The following TUT4 variants were observed in gnomAD, a reference collection of about 807,000 sequenced individuals.
TUT4 encodes the protein terminal uridylyl transferase 4.
In TUT4, 36 loss-of-function variants were observed where a neutral mutation model predicts 192.2. The ratio of observed to expected loss-of-function variants is 0.19; its 90% CI spans 0.14 to 0.25. The LOEUF is 0.25. Ranked by LOEUF, TUT4 falls within the 10% of genes least tolerant of loss-of-function variation. The probability of loss-of-function intolerance (pLI) is 1.00; values close to 1 mark genes in which losing one functional copy is unlikely to be tolerated. For missense variants in TUT4, 1,493 were observed against 1,957.2 expected (o/e 0.76, Z 4.47); for synonymous variants, 618 against 666.0 (o/e 0.93, Z 1.11).
chr1:52,429,396 A>G (rs1045118156), intron 28 of TUT4, among the ~76,000 whole-genome samples: 4 of 151,686 alleles, frequency 2.6e-5, no homozygotes, highest in Non-Finnish European at 5.9e-5. Context: ...AAAGTTGGGC[A>G]TAAGTCAGGC....
chr1:52,504,564 A>G (rs1336001699), intron 4 of TUT4, among the ~76,000 whole-genome samples: 1 of 152,172 alleles, frequency 6.6e-6, no homozygotes, highest in Non-Finnish European at 1.5e-5. Flanking sequence ...CAGGAGGTGG[A>G]GGTTGTAGTG....
At chr1:52,464,024 A>G (rs1663362568) in intron 16 of TUT4, among the ~76,000 whole-genome samples, 1 of 152,184 alleles carries the variant, frequency 6.6e-6, no homozygotes, top group African/African-American at 2.4e-5. Flanking sequence ...TGGGTTACGA[A>G]TCCCGGCTCC....
At position 52,506,954 on chromosome 1, in the gene TUT4, T is replaced by C. The variant is rs574652033; in HGVS notation, c.999+2642A>G. Among the ~76,000 whole-genome samples, 4 of 152,356 alleles carry C rather than the reference T, an allele frequency of 2.6e-5. No individual in the cohort carries two copies. In the East Asian group the frequency reaches 5.8e-4, roughly 22 times the overall value. ...TGACATTAAATACTTGGAAACCATT[T>C]ATCATTTTGAATGTTGCCTTTAAAA... On this transcript the variant is annotated intron_variant, in intron 4 of 29. Transcript: ENST00000257177.
At chr1:52,441,738 A>AT (rs1239142222) in intron 24 of TUT4, among the ~76,000 whole-genome samples, 1 of 152,178 alleles carries the variant, frequency 6.6e-6, no homozygotes, top group African/African-American at 2.4e-5. Context: ...CTATATACTT[A>AT]AAATTGTCTA....
rs532227104 is a variant in TUT4 at position 52,526,407 on chromosome 1, T to C, written c.-93-34A>G. On this transcript the variant is annotated intron_variant, in intron 1 of 29. Transcript: ENST00000257177. ...TTAAAAAAAAGAGAAAAATCTGTTA[T>C]TTAAAATGCAAAAACAATTTTTTAT... is the stretch of plus-strand genomic sequence containing the variant. 8.5e-6 allele frequency: 8 copies of C among 936,778 alleles called. No homozygotes were observed. In the African/African-American group the frequency reaches 1.0e-4, roughly 12 times the overall value. The allele number at this position is 936,778 out of a possible 1,614,324, so 58.0% of individuals were successfully genotyped here.
chr1:52,445,085 C>CATTATATATA (rs1236180386), intron 24 of TUT4, among the ~76,000 whole-genome samples: 2 of 150,564 alleles, frequency 1.3e-5, no homozygotes, highest in African/African-American at 4.9e-5. Context: ...TATATATATC[C>CATTATATATA]TATTAGCTCT....
chr1:52,518,674 C>T (rs1424185719), intron 2 of TUT4, among the ~76,000 whole-genome samples: 1 of 152,106 alleles, frequency 6.6e-6, no homozygotes, highest in African/African-American at 2.4e-5. Flanking sequence ...CATGGATAAA[C>T]CTTAAAAACA....
chr1:52,525,935 C>G lies in TUT4; in HGVS notation c.346G>C (p.Ala116Pro). 2 of 1,614,056 alleles carry G rather than the reference C, an allele frequency of 1.2e-6. No individual in the cohort carries two copies. ...AAACTGGTTGCCTTTTCTGATTTTGCCTGTGAAATGGTTGCCTTTTCGGCT... is the reference window on the plus strand; with the variant it reads ...AAACTGGTTGCCTTTTCTGATTTTGGCTGTGAAATGGTTGCCTTTTCGGCT... ...VKAEKATISQAKSEKATSLQA... is the reference protein window; with the variant it reads ...VKAEKATISQPKSEKATSLQA... Residue 116 changes from alanine (A) to proline (P), a missense_variant, in exon 2 of 30, where the codon GCA (alanine) becomes CCA (proline). Coordinates refer to ENST00000257177, the MANE Select transcript of TUT4 (RefSeq NM_001009881.3).
At chr1:52,474,808 G>C in intron 13 of TUT4, 24 bp downstream of exon 13, 1 of 1,536,696 alleles carries the variant, frequency 6.5e-7, no homozygotes, top group Non-Finnish European at 8.7e-7. Context: ...AAATCTTACA[G>C]ATCATTTACA....
At position 52,459,808 on chromosome 1, in the gene TUT4, G is replaced by C. The variant is rs1370960327; in HGVS notation, c.3321+1326C>G. The stretch of plus-strand genomic sequence containing the variant: ...AGGCAGGGAAAACTGCTTGAATCTA[G>C]GAGGTGGAGGTTGCAGTGAGCCGAG... On this transcript the variant is annotated intron_variant, in intron 19 of 29. Transcript: ENST00000257177. 2.3e-4 allele frequency among the ~76,000 whole-genome samples: 31 copies of C among 134,144 alleles called. 1 individual carries two copies. The highest frequency in any genetic ancestry group is 1.5e-5 in the Non-Finnish European group (1 of 67,862). 88.0% of individuals were successfully genotyped at this position (134,144 alleles called of 152,430 possible).
intron 28 of TUT4, among the ~76,000 whole-genome samples, chr1:52,429,082 G>GTTT (rs1195739562): frequency 2.4e-4 from 32 of 131,410 alleles, no homozygotes; most frequent in African/African-American, 3.2e-4. Context: ...TCCATAATAG[G>GTTT]TTTTTTTTTT....
chr1:52,445,079 T>A (rs1657148833), intron 24 of TUT4, among the ~76,000 whole-genome samples: 1 of 151,648 alleles, frequency 6.6e-6, no homozygotes, highest in Admixed American at 6.6e-5. Flanking sequence ...TAGGATTATA[T>A]ATATCCTATT....
intron 24 of TUT4, among the ~76,000 whole-genome samples, chr1:52,444,126 C>T (rs1279136583): frequency 2.0e-5 from 3 of 152,034 alleles, no homozygotes; most frequent in Middle Eastern, 3.4e-3. Flanking sequence ...GTCCCTGCTA[C>T]TCTCGGCTGA....
intron 13 of TUT4, among the ~76,000 whole-genome samples, chr1:52,473,849 C>A (rs985118559): frequency 6.6e-6 from 1 of 151,894 alleles, no homozygotes; most frequent in Admixed American, 6.5e-5. Context: ...AAGCAGTTAT[C>A]GCTTACTTCC....
rs1045514045 is a variant in TUT4, at chr1:52,519,540, G to A, written c.719-3486C>T. 2.4e-3 allele frequency among the ~76,000 whole-genome samples: 358 copies of A among 149,142 alleles called. 5 individuals carry two copies. Among genetic ancestry groups the A allele is most frequent in the Non-Finnish European group, 4.1e-4 (28 of 67,496 alleles). On this transcript the variant is annotated intron_variant, in intron 2 of 29. Coordinates refer to ENST00000257177, the MANE Select transcript of TUT4 (RefSeq NM_001009881.3). ...TTTTTTTTTTTTGAGACGGAGTTTCGCTCTTGTTGCCCAGACTGGAGTGCA... is the reference window on the plus strand; with the variant it reads ...TTTTTTTTTTTTGAGACGGAGTTTCACTCTTGTTGCCCAGACTGGAGTGCA...
intron 26 of TUT4, 63 bp downstream of exon 26, chr1:52,436,692 G>A: frequency 6.2e-7 from 1 of 1,600,518 alleles, no homozygotes; most frequent in African/African-American, 1.3e-5. Flanking sequence ...GGGTCATTTA[G>A]CATGCAAGCA....
rs1403774466 is a variant in TUT4 at position 52,529,690 on chromosome 1, T to TA, written c.-93-3318dup. The TA allele has an allele frequency of 7.2e-5, 11 of 152,146 alleles. No homozygotes were observed. In the East Asian group the frequency reaches 2.1e-3, roughly 29 times the overall value. 9.4% of individuals were successfully genotyped at this position (152,146 alleles called of 1,614,324 possible). A position where few individuals can be genotyped will look rare whatever the true frequency, so the allele number is the denominator to read the frequency against. ...ATTTTAGACAATTTATTCATCCACTTAAAAAATACTCCATAAATCAAGTTT... is the reference window on the plus strand; with the variant it reads ...ATTTTAGACAATTTATTCATCCACTTAAAAAAATACTCCATAAATCAAGTTT... On this transcript the variant is annotated intron_variant, in intron 1 of 29. Transcript: ENST00000257177.
intron 28 of TUT4, among the ~76,000 whole-genome samples, chr1:52,429,474 G>A (rs995075399): frequency 3.3e-5 from 5 of 151,694 alleles, no homozygotes; most frequent in African/African-American, 1.2e-4. Flanking sequence ...CTTGAGCCCA[G>A]GAGTTCAAGG....
At chr1:52,550,946 A>G (rs373063378) in intron 1 of TUT4, among the ~76,000 whole-genome samples, 10 of 152,346 alleles carry the variant, frequency 6.6e-5, no homozygotes, top group African/African-American at 2.4e-4. Context: ...TTATGTCAAG[A>G]TTAACTTTGA....
Sources: gnomAD v4.1 joint callset for allele counts (sites outside exome capture counted in the v4.1 genomes callset) on GRCh38, gnomAD v4.1.1 for gene constraint, MANE v1.5 for transcripts, NCBI Gene and HGNC (gene_info 2026-07-23, HGNC 2026-07-21) for gene names.